MKLN1: variants seen among roughly 807,000 people sequenced by gnomAD.
MKLN1 encodes muskelin 1.
MKLN1 carries 18 observed loss-of-function variants against 99.0 expected under a neutral mutation model. That is an observed-to-expected ratio of 0.18 (90% CI 0.13 to 0.27). The LOEUF (loss-of-function observed/expected upper bound fraction) is 0.27. Among genes scored for constraint, MKLN1 ranks in the 10% least tolerant of loss-of-function variants. The pLI is 1.00. For missense variants in MKLN1, 621 were observed against 875.9 expected, an observed-to-expected ratio of 0.71 and a Z score of 3.67; for synonymous variants, 288 against 293.2, an observed-to-expected ratio of 0.98 and a Z score of 0.18.
chr7:131,452,583 G>A lies in MKLN1; in HGVS notation c.1525+6680G>A, dbSNP rs575073374. 3.0e-4 allele frequency among the ~76,000 whole-genome samples: 30 copies of A among 100,888 alleles called. No homozygotes were observed. In the East Asian group the frequency reaches 9.2e-3, roughly 31 times the overall value. The allele number at this position is 100,888 out of a possible 152,430, so 66.2% of individuals were successfully genotyped here. On this transcript the variant is annotated intron_variant, in intron 12 of 17. Transcript: ENST00000352689. ...TTTTTTTTTTTTGAGATGGAGTCCCGCCCTGTCGCCAGGCTGGAGTGCAGT... is the reference window on the plus strand; with the variant it reads ...TTTTTTTTTTTTGAGATGGAGTCCCACCCTGTCGCCAGGCTGGAGTGCAGT...
At chr7:131,453,039 T>C (rs1796229764) in intron 12 of MKLN1, among the ~76,000 whole-genome samples, 1 of 152,222 alleles carries the variant, frequency 6.6e-6, no homozygotes, top group Non-Finnish European at 1.5e-5. Flanking sequence ...GTGTCATTAT[T>C]CAAACAGAGT....
chr7:131,230,992 C>T (rs528851730), intron 3 of MKLN1, among the ~76,000 whole-genome samples: 20 of 151,684 alleles, frequency 1.3e-4, no homozygotes, highest in African/African-American at 4.4e-4. Context: ...GTGGTGGTGA[C>T]GCCTGTAGTC....
At chr7:131,306,695 T>A (rs2070668895) in intron 3 of MKLN1, among the ~76,000 whole-genome samples, 1 of 152,262 alleles carries the variant, frequency 6.6e-6, no homozygotes, top group African/African-American at 2.4e-5. Context: ...TACAGTCATA[T>A]GCATTCACAA....
At position 131,437,934 on chromosome 7, in the gene MKLN1, A is replaced by G. The variant is rs114513301; in HGVS notation, c.1110A>G (p.Thr370=). The change falls in exon 10 of 18, where the codon ACA becomes ACG. Residue 370 remains threonine (T), a synonymous_variant. Transcript: ENST00000352689. ...DFYRYDIDTN[T]WMLLSEDTAA... ...ATCGTTATGACATTGATACAAACAC[A>G]TGGATGTTACTAAGTGAGGATACTG... is the stretch of plus-strand genomic sequence containing the variant. 1.8e-4 allele frequency: 286 copies of G among 1,613,976 alleles called. 2 individuals are homozygous for G. The Middle Eastern group carries it at 2.6e-3, about 15-fold the overall frequency.
intron 2 of MKLN1, among the ~76,000 whole-genome samples, chr7:131,180,447 C>T (rs571281943): frequency 6.6e-6 from 1 of 152,038 alleles, no homozygotes; most frequent in South Asian, 2.1e-4. Flanking sequence ...GCCTGTAATC[C>T]CAGCACTTTG....
intron 3 of MKLN1, among the ~76,000 whole-genome samples, chr7:131,279,470 G>T (rs908763505): frequency 6.6e-6 from 1 of 152,108 alleles, no homozygotes; most frequent in African/African-American, 2.4e-5. Flanking sequence ...TACAGCTTTA[G>T]TGAGATCTAT....
intron 2 of MKLN1, among the ~76,000 whole-genome samples, chr7:131,160,545 G>A (rs1796033582): frequency 6.9e-6 from 1 of 145,772 alleles, no homozygotes; most frequent in Admixed American, 6.9e-5. Flanking sequence ...TTGAGACAGG[G>A]TCTCACTCTG....
At chr7:131,384,569 A>G (rs1452676775) in intron 2 of MKLN1, among the ~76,000 whole-genome samples, 1 of 152,194 alleles carries the variant, frequency 6.6e-6, no homozygotes, top group Non-Finnish European at 1.5e-5. Context: ...GGCCTCCAGA[A>G]CTATGAGAAA....
chr7:131,445,969 T>C, intron 12 of MKLN1, 66 bp downstream of exon 12: 1 of 1,073,602 alleles, frequency 9.3e-7, no homozygotes, highest in Non-Finnish European at 1.3e-6. Flanking sequence ...TGCAGTTCAT[T>C]CTCTTTTCTT....
chr7:131,275,247 A>G (rs948938707), intron 3 of MKLN1, among the ~76,000 whole-genome samples: 2 of 151,946 alleles, frequency 1.3e-5, no homozygotes, highest in Non-Finnish European at 2.9e-5. Context: ...AGACAGCAAG[A>G]GAGCTCTCTG....
chr7:131,462,381 T>G (rs999709898), intron 12 of MKLN1, among the ~76,000 whole-genome samples: 3 of 152,202 alleles, frequency 2.0e-5, no homozygotes, highest in Non-Finnish European at 4.4e-5. Flanking sequence ...GAACAGATAT[T>G]TTAAATGACT....
intron 2 of MKLN1, among the ~76,000 whole-genome samples, chr7:131,153,664 G>GTTTTTTTTTTTTTTTTTTTTTTGTT (rs11464377): frequency 7.2e-6 from 1 of 139,548 alleles, no homozygotes; most frequent in Non-Finnish European, 1.5e-5. Flanking sequence ...GTTTTTTTTG[G>GTTTTTTTTTTTTTTTTTTTTTTGTT]TTTTTTTTTT....
rs575459102 is a variant in MKLN1 at position 131,120,390 on chromosome 7, C to A, written c.-419+10183C>A. ...AAATACAAAAAAACAAACAAACAAA[C>A]AAAAAAAAACTAGCCAGGTGTGGCG... is the stretch of plus-strand genomic sequence containing the variant. On this transcript the variant is annotated intron_variant, in intron 1 of 7. Transcript: ENST00000416992. Among the ~76,000 whole-genome samples, 1,067 of 142,788 alleles carry A rather than the reference C, an allele frequency of 7.5e-3. 13 individuals are homozygous for A. Among genetic ancestry groups the A allele is most frequent in the African/African-American group, 0.024 (918 of 38,874 alleles). 93.7% of individuals were successfully genotyped at this position (142,788 alleles called of 152,430 possible). A position where few individuals can be genotyped will look rare whatever the true frequency, so the allele number is the denominator to read the frequency against.
chr7:131,334,832 C>T (rs1476319672), intron 1 of MKLN1, among the ~76,000 whole-genome samples: 2 of 152,168 alleles, frequency 1.3e-5, no homozygotes, highest in East Asian at 3.8e-4. Context: ...TATTTATAGA[C>T]ATTTTAATAT....
intron 3 of MKLN1, among the ~76,000 whole-genome samples, chr7:131,283,536 G>C (rs60711061): frequency 0.11 from 16,134 of 150,968 alleles, 1,411 homozygotes; most frequent in African/African-American, 0.25. Flanking sequence ...CTGGGCTCAG[G>C]TGATCCTCCC....
chr7:131,307,822 C>A (rs918889517), intron 3 of MKLN1, among the ~76,000 whole-genome samples: 1 of 152,110 alleles, frequency 6.6e-6, no homozygotes. Context: ...TGGACTGTGA[C>A]CTTTTGAGTT....
chr7:131,431,240 A>AC (rs1273344723), intron 9 of MKLN1, among the ~76,000 whole-genome samples: 2 of 151,666 alleles, frequency 1.3e-5, no homozygotes, highest in East Asian at 1.9e-4. Context: ...ACAAAAAAAA[A>AC]CAACCAAAAA....
At chr7:131,375,053 T>C (rs1793598322) in intron 1 of MKLN1, among the ~76,000 whole-genome samples, 2 of 152,014 alleles carry the variant, frequency 1.3e-5, no homozygotes, top group African/African-American at 2.4e-5. Context: ...CCTCAAGTCT[T>C]CCTCCAAGTA....
At chr7:131,152,386 A>G (rs1288465091) in intron 2 of MKLN1, among the ~76,000 whole-genome samples, 1 of 152,216 alleles carries the variant, frequency 6.6e-6, no homozygotes, top group Non-Finnish European at 1.5e-5. Context: ...AACCATTATC[A>G]TATCTACATT....
Sources: allele counts gnomAD v4.1 joint callset (sites outside exome capture counted in the v4.1 genomes callset), GRCh38; gene constraint gnomAD v4.1.1; transcripts MANE v1.5; gene names NCBI Gene and HGNC (gene_info 2026-07-23, HGNC 2026-07-21).